Variants in NOL4 observed in about 807,000 individuals in gnomAD.
NOL4 encodes nucleolar protein 4, also known as cancer/testis antigen 125.
NOL4 carries 17 observed loss-of-function variants against 75.9 expected under a neutral mutation model. The ratio of observed to expected loss-of-function variants is 0.22; its 90% CI spans 0.15 to 0.34. NOL4 has a LOEUF of 0.34. Ranked by LOEUF, NOL4 falls within the 10% of genes least tolerant of loss-of-function variation. The pLI, the probability that NOL4 is intolerant of heterozygous loss-of-function variation, is 1.00. For missense variants in NOL4, 614 were observed against 793.5 expected (o/e 0.77, Z 2.72); for synonymous variants, 292 against 289.9 (o/e 1.01, Z -0.07).
intron 6 of NOL4, among the ~76,000 whole-genome samples, chr18:34,015,573 T>G (rs2074639370): frequency 6.6e-6 from 1 of 152,018 alleles, no homozygotes; most frequent in African/African-American, 2.4e-5. Flanking sequence ...GGATTGATAT[T>G]CTGCGAGGTG....
intron 6 of NOL4, among the ~76,000 whole-genome samples, chr18:33,985,305 A>G (rs1226828044): frequency 1.3e-5 from 2 of 152,154 alleles, no homozygotes; most frequent in East Asian, 1.9e-4. Flanking sequence ...ATCTAAAAGT[A>G]TTTGGTGAGG....
chr18:34,024,194 A>AAAAAAAATAT, intron 5 of NOL4, among the ~76,000 whole-genome samples: 1 of 70,674 alleles, frequency 1.4e-5, no homozygotes, highest in Non-Finnish European at 3.1e-5. Context: ...AAAAAAAAAA[A>AAAAAAAATAT]ATATATATAT....
At chr18:34,098,381 G>C (rs2078889560) in intron 4 of NOL4, among the ~76,000 whole-genome samples, 2 of 152,136 alleles carry the variant, frequency 1.3e-5, no homozygotes, top group Admixed American at 6.5e-5. Flanking sequence ...CAGCCACATG[G>C]AGAGTGAGAG....
At chr18:33,920,766 A>C (rs1480889525) in intron 9 of NOL4, among the ~76,000 whole-genome samples, 1 of 152,302 alleles carries the variant, frequency 6.6e-6, no homozygotes, top group African/African-American at 2.4e-5. Context: ...AGACTGACAA[A>C]GTTTTTGAAA....
At chr18:34,173,129 A>T (rs561430632) in intron 1 of NOL4, among the ~76,000 whole-genome samples, 10 of 152,210 alleles carry the variant, frequency 6.6e-5, no homozygotes, top group African/African-American at 2.4e-4. Flanking sequence ...CATTACGCTA[A>T]ACAAAACAAG....
At chr18:33,895,358 A>T (rs2065336481) in intron 9 of NOL4, among the ~76,000 whole-genome samples, 1 of 152,114 alleles carries the variant, frequency 6.6e-6, no homozygotes, top group Non-Finnish European at 1.5e-5. Flanking sequence ...CATTTTTTAA[A>T]TTACAGGTTT....
intron 9 of NOL4, among the ~76,000 whole-genome samples, chr18:33,917,598 A>G (rs2066799553): frequency 6.6e-6 from 1 of 151,928 alleles, no homozygotes; most frequent in Non-Finnish European, 1.5e-5. Context: ...TGGGCTTACT[A>G]ATCCTCCCTC....
At chr18:34,196,934 T>C (rs1213085612) in intron 1 of NOL4, among the ~76,000 whole-genome samples, 1 of 151,988 alleles carries the variant, frequency 6.6e-6, no homozygotes, top group Non-Finnish European at 1.5e-5. Context: ...CTTTTTGAAA[T>C]ACATTCCTGT....
chr18:33,932,930 G>C (rs887449611), intron 9 of NOL4, among the ~76,000 whole-genome samples: 1 of 151,994 alleles, frequency 6.6e-6, no homozygotes, highest in African/African-American at 2.4e-5. Flanking sequence ...TATTATTAAA[G>C]AGGATGTCAA....
chr18:34,214,304 T>A (rs7226432), intron 1 of NOL4, among the ~76,000 whole-genome samples: 5 of 151,910 alleles, frequency 3.3e-5, no homozygotes, highest in African/African-American at 4.8e-5. Flanking sequence ...ATTTGTACTT[T>A]TAAATATAGT....
At chr18:34,168,366 T>C (rs927831099) in intron 1 of NOL4, among the ~76,000 whole-genome samples, 12 of 151,722 alleles carry the variant, frequency 7.9e-5, no homozygotes, top group African/African-American at 2.7e-4. Flanking sequence ...TAAATAAATT[T>C]TTTTTAGCCA....
Position 33,919,994 on chromosome 18 carries a change from G to A in NOL4, c.1542+23071C>T, listed in dbSNP as rs939023905. 2.0e-5 allele frequency among the ~76,000 whole-genome samples: 3 copies of A among 152,064 alleles called. No homozygotes were observed. The East Asian group carries it at 5.8e-4, about 29-fold the overall frequency. On this transcript the variant is annotated intron_variant, in intron 9 of 10. Transcript: ENST00000261592. ...ACGTATATTTTCTACATTCATGAAAGAGCAATCATGTACCTATTGGTTCAT... is the reference window on the plus strand; with the variant it reads ...ACGTATATTTTCTACATTCATGAAAAAGCAATCATGTACCTATTGGTTCAT...
chr18:34,154,726 A>G (rs371104473), intron 1 of NOL4, among the ~76,000 whole-genome samples: 2 of 152,054 alleles, frequency 1.3e-5, no homozygotes, highest in Admixed American at 6.6e-5. Context: ...AATGTGCTAA[A>G]TAGTTTTTCC....
At chr18:34,015,414 C>G (rs1212699978) in intron 6 of NOL4, among the ~76,000 whole-genome samples, 1 of 152,024 alleles carries the variant, frequency 6.6e-6, no homozygotes, top group African/African-American at 2.4e-5. Flanking sequence ...GTCACTTCAT[C>G]TAAGGATCGC....
chr18:33,933,360 T>C (rs1160160171), intron 9 of NOL4, among the ~76,000 whole-genome samples: 1 of 152,156 alleles, frequency 6.6e-6, no homozygotes, highest in Non-Finnish European at 1.5e-5. Flanking sequence ...GTGATGGTTG[T>C]TGAAGGCTAG....
chr18:34,021,868 C>T (rs979791596), intron 5 of NOL4, among the ~76,000 whole-genome samples: 8 of 151,918 alleles, frequency 5.3e-5, no homozygotes, highest in Admixed American at 2.0e-4. Context: ...TTTGGGAGGC[C>T]GAGGTGGGTG....
chr18:33,999,360 C>T (rs1400068368), intron 6 of NOL4, among the ~76,000 whole-genome samples: 1 of 151,612 alleles, frequency 6.6e-6, no homozygotes, highest in Admixed American at 6.6e-5. Flanking sequence ...TATATACTCA[C>T]AATAATGGTT....
At chr18:34,165,402 C>G (rs532512056) in intron 1 of NOL4, among the ~76,000 whole-genome samples, 2 of 152,068 alleles carry the variant, frequency 1.3e-5, no homozygotes, top group Admixed American at 6.6e-5. Flanking sequence ...AGCTTTTAGT[C>G]TTCTGGACTG....
At position 34,222,585 on chromosome 18, in the gene NOL4, C is replaced by A. The variant is rs959274358; in HGVS notation, c.264+405G>T. 9 of 500,068 alleles carry A rather than the reference C, an allele frequency of 1.8e-5. No individual in the cohort carries two copies. In the South Asian group the frequency reaches 6.9e-4, roughly 38 times the overall value. The allele number at this position is 500,068 out of a possible 1,614,324, so 31.0% of individuals were successfully genotyped here. On this transcript the variant is annotated intron_variant, in intron 1 of 10. Transcript: ENST00000261592. ...CAGACTCGTCTGCTCTCAGAGCGTG[C>A]GGCCGGGCTTCCAGCCTGGCCTTTA...
Sources: gnomAD v4.1 joint callset for allele counts (sites outside exome capture counted in the v4.1 genomes callset) on GRCh38, gnomAD v4.1.1 for gene constraint, MANE v1.5 for transcripts, NCBI Gene and HGNC (gene_info 2026-07-23, HGNC 2026-07-21) for gene names.